Variants in GCNT2 observed in about 807,000 individuals in gnomAD.
GCNT2 encodes the protein N-acetyllactosaminide beta-1,6-N-acetylglucosaminyl-transferase.
Under a neutral mutation model 34.2 loss-of-function variants are expected in GCNT2, and 34 were observed. That is an observed-to-expected ratio of 1.00 (90% confidence interval 0.76 to 1.32). The LOEUF is 1.32. Ranked by LOEUF, GCNT2 falls within the 40% of genes most tolerant of loss-of-function variation. GCNT2 has a pLI of 0.00. For missense variants in GCNT2, 584 were observed against 489.4 expected, an observed-to-expected ratio of 1.19 and a Z score of -1.82; for synonymous variants, 212 against 188.0, an observed-to-expected ratio of 1.13 and a Z score of -1.04.
chr6:10,562,936 A>AT (rs1763072259), intron 3 of GCNT2, among the ~76,000 whole-genome samples: 1 of 152,142 alleles, frequency 6.6e-6, no homozygotes, highest in South Asian at 2.1e-4. Context: ...AGGTGGGTGG[A>AT]TCACCAGAAG....
intron 3 of GCNT2, among the ~76,000 whole-genome samples, chr6:10,614,530 G>T (rs568465633): frequency 1.3e-5 from 2 of 150,946 alleles, no homozygotes; most frequent in African/African-American, 2.5e-5. Flanking sequence ...GAAGGCTGAA[G>T]CAGGAGAATC....
chr6:10,595,338 C>T (rs1764808153), intron 3 of GCNT2, among the ~76,000 whole-genome samples: 3 of 151,756 alleles, frequency 2.0e-5, no homozygotes, highest in Admixed American at 6.6e-5. Context: ...AGTGCAGTGG[C>T]GCGATCTTGG....
intron 3 of GCNT2, among the ~76,000 whole-genome samples, chr6:10,576,372 T>C (rs1763812046): frequency 6.6e-6 from 1 of 152,202 alleles, no homozygotes; most frequent in South Asian, 2.1e-4. Context: ...AAATACCTAC[T>C]ACACAGCCCT....
At chr6:10,548,655 G>A (rs1263783543) in intron 3 of GCNT2, among the ~76,000 whole-genome samples, 1 of 152,112 alleles carries the variant, frequency 6.6e-6, no homozygotes, top group African/African-American at 2.4e-5. Context: ...TTTTCTATCT[G>A]GCTTGCTTTT....
At chr6:10,534,266 G>A (rs1480475947) in intron 3 of GCNT2, among the ~76,000 whole-genome samples, 4 of 150,836 alleles carry the variant, frequency 2.7e-5, no homozygotes, top group African/African-American at 7.3e-5. Flanking sequence ...CTCAGCCTCC[G>A]CAGCACCAGG....
intron 3 of GCNT2, among the ~76,000 whole-genome samples, chr6:10,533,688 C>CT (rs1761608690): frequency 1.4e-5 from 2 of 147,884 alleles, no homozygotes; most frequent in Non-Finnish European, 3.0e-5. Flanking sequence ...ACTCGGGAGA[C>CT]TGAAGCAGGA....
chr6:10,567,364 GGAGGGTCACTT>G (rs1763329165), intron 3 of GCNT2, among the ~76,000 whole-genome samples: 1 of 152,174 alleles, frequency 6.6e-6, no homozygotes, highest in African/African-American at 2.4e-5. Context: ...GGCTGAGGTG[GGAGGGTCACTT>G]GAGCCCCAGA....
intron 3 of GCNT2, chr6:10,586,501 T>G: frequency 6.2e-7 from 1 of 1,614,214 alleles, no homozygotes; most frequent in African/African-American, 1.3e-5. Context: ...CAGGCTGACC[T>G]GAACTGTCTG....
intron 3 of GCNT2, among the ~76,000 whole-genome samples, chr6:10,565,221 C>T (rs1217744739): frequency 6.6e-6 from 1 of 152,214 alleles, no homozygotes; most frequent in Non-Finnish European, 1.5e-5. Context: ...AGTGCATGAA[C>T]CACACAGGCC....
At chr6:10,569,235 C>A (rs372114952) in intron 3 of GCNT2, among the ~76,000 whole-genome samples, 5 of 47,462 alleles carry the variant, frequency 1.1e-4, no homozygotes, top group Admixed American at 2.7e-4. Context: ...ACTCCCCCCG[C>A]CACACACACA....
chr6:10,608,694 C>T (rs992752164), intron 3 of GCNT2, among the ~76,000 whole-genome samples: 5 of 152,172 alleles, frequency 3.3e-5, no homozygotes, highest in African/African-American at 1.2e-4. Flanking sequence ...AAAAGAGAGG[C>T]TACCTTAGGG....
intron 3 of GCNT2, among the ~76,000 whole-genome samples, chr6:10,584,929 A>G (rs2127411420): frequency 6.6e-6 from 1 of 152,130 alleles, no homozygotes; most frequent in African/African-American, 2.4e-5. Flanking sequence ...TATGATATCA[A>G]CACTGACTCT....
At chr6:10,562,373 A>C (rs1763026264) in intron 3 of GCNT2, among the ~76,000 whole-genome samples, 1 of 152,158 alleles carries the variant, frequency 6.6e-6, no homozygotes, top group African/African-American at 2.4e-5. Flanking sequence ...TTTTCCTGAG[A>C]GTTCCAGCGG....
intron 3 of GCNT2, among the ~76,000 whole-genome samples, chr6:10,566,539 C>T (rs1763291397): frequency 6.6e-6 from 1 of 152,204 alleles, no homozygotes; most frequent in Admixed American, 6.5e-5. Context: ...AGTGATCCTC[C>T]TGCCTTGGCC....
chr6:10,600,372 G>A (rs1765041606), intron 3 of GCNT2, among the ~76,000 whole-genome samples: 1 of 152,146 alleles, frequency 6.6e-6, no homozygotes, highest in South Asian at 2.1e-4. Flanking sequence ...GTTTTACATT[G>A]TTGTTGATTT....
intron 3 of GCNT2, chr6:10,556,516 A>G: frequency 6.2e-7 from 1 of 1,614,044 alleles, no homozygotes; most frequent in Non-Finnish European, 8.5e-7. Context: ...GGGGAGATCC[A>G]AGCTTCCAAA....
intron 3 of GCNT2, among the ~76,000 whole-genome samples, chr6:10,611,216 T>C (rs1765535461): frequency 6.7e-6 from 1 of 149,574 alleles, no homozygotes; most frequent in Non-Finnish European, 1.5e-5. Context: ...AGGAGAGCCA[T>C]GTCTATTTGA....
At chr6:10,524,905 A>G (rs950633632) in intron 1 of GCNT2, among the ~76,000 whole-genome samples, 1 of 151,810 alleles carries the variant, frequency 6.6e-6, no homozygotes, top group East Asian at 1.9e-4. Flanking sequence ...ATTAAAAACC[A>G]GTTTAATCCA....
chr6:10,609,050 T>C (rs1765442376), intron 3 of GCNT2, among the ~76,000 whole-genome samples: 1 of 152,218 alleles, frequency 6.6e-6, no homozygotes, highest in Non-Finnish European at 1.5e-5. Flanking sequence ...CCATGTTGGC[T>C]CAATTCCACC....
Sources: gnomAD v4.1 joint callset for allele counts (sites outside exome capture counted in the v4.1 genomes callset) on GRCh38, gnomAD v4.1.1 for gene constraint, MANE v1.5 for transcripts, NCBI Gene and HGNC (gene_info 2026-07-23, HGNC 2026-07-21) for gene names.